The following IPO11 variants were observed in gnomAD, a reference collection of about 807,000 sequenced individuals.
IPO11 encodes importin-11.
Under a neutral mutation model 143.2 loss-of-function variants are expected in IPO11, and 66 were observed. The observed-to-expected ratio is 0.46, with a 90% CI of 0.38 to 0.57. The LOEUF (loss-of-function observed/expected upper bound fraction) is 0.57, where lower values mean the gene tolerates loss of function less well. Ranked by LOEUF, IPO11 falls within the 20% of genes least tolerant of loss-of-function variation. The pLI is 0.00. For missense variants in IPO11, 1,026 were observed against 1,141.0 expected, an observed-to-expected ratio of 0.90 and a Z score of 1.45; for synonymous variants, 385 against 377.8, an observed-to-expected ratio of 1.02 and a Z score of -0.22.
At chr5:62,444,218 G>A (rs763934540) in intron 3 of IPO11, among the ~76,000 whole-genome samples, 3 of 150,984 alleles carry the variant, frequency 2.0e-5, no homozygotes, top group African/African-American at 4.9e-5. Flanking sequence ...TCAGCCTCCC[G>A]AGTAGCTGGG....
chr5:62,544,900 G>A (rs956692210), intron 24 of IPO11, among the ~76,000 whole-genome samples: 2 of 152,144 alleles, frequency 1.3e-5, no homozygotes, highest in African/African-American at 4.8e-5. Flanking sequence ...GGGATGTGAA[G>A]GAGCTCTTCA....
intron 20 of IPO11, among the ~76,000 whole-genome samples, chr5:62,521,053 G>C (rs1742186013): frequency 6.6e-6 from 1 of 152,186 alleles, no homozygotes; most frequent in African/African-American, 2.4e-5. Flanking sequence ...ATTCTAACTG[G>C]TGTGAGATGG....
At chr5:62,513,979 A>T (rs1435981374) in intron 19 of IPO11, among the ~76,000 whole-genome samples, 1 of 145,562 alleles carries the variant, frequency 6.9e-6, no homozygotes. Flanking sequence ...GGCGCTCCCC[A>T]CATCTCAGAC....
intron 19 of IPO11, among the ~76,000 whole-genome samples, chr5:62,513,666 G>T (rs1741878203): frequency 6.8e-6 from 1 of 146,752 alleles, no homozygotes; most frequent in Admixed American, 6.7e-5. Context: ...CTCCCGGACA[G>T]GGCGGTTGGC....
At chr5:62,488,174 T>C (rs1746476771) in intron 13 of IPO11, among the ~76,000 whole-genome samples, 1 of 152,226 alleles carries the variant, frequency 6.6e-6, no homozygotes, top group African/African-American at 2.4e-5. Context: ...GTTAAAATAG[T>C]GTTAGCCTCT....
intron 29 of IPO11, among the ~76,000 whole-genome samples, chr5:62,611,667 T>C (rs1330039759): frequency 1.3e-5 from 2 of 152,190 alleles, no homozygotes; most frequent in Non-Finnish European, 2.9e-5. Flanking sequence ...TTGCCCCTGT[T>C]CACTTGGAAA....
chr5:62,508,298 A>AT (rs70981020), intron 19 of IPO11, among the ~76,000 whole-genome samples: 3,355 of 127,436 alleles, frequency 0.026, 113 homozygotes, highest in African/African-American at 0.074. Context: ...TGCCTGGCTA[A>AT]TTTTTTTTTT....
intron 29 of IPO11, among the ~76,000 whole-genome samples, chr5:62,620,973 G>A (rs140512866): frequency 6.6e-6 from 1 of 152,334 alleles, no homozygotes; most frequent in East Asian, 1.9e-4. Flanking sequence ...TCAACACATG[G>A]CTCTGTCTAG....
At chr5:62,626,409 CTT>C (rs1746579145) in intron 29 of IPO11, among the ~76,000 whole-genome samples, 2 of 152,138 alleles carry the variant, frequency 1.3e-5, no homozygotes, top group South Asian at 4.1e-4. Flanking sequence ...AAACTCCAGA[CTT>C]TTATTTAGAT....
At chr5:62,488,865 T>TCACCA (rs1214011368) in intron 13 of IPO11, among the ~76,000 whole-genome samples, 156 of 152,264 alleles carry the variant, frequency 1.0e-3, no homozygotes, top group African/African-American at 3.6e-3. Flanking sequence ...TAGCTGGGCC[T>TCACCA]GGTGGTTAGT....
At chr5:62,470,437 A>C in intron 7 of IPO11, 129 bp downstream of exon 7, 1 of 805,058 alleles carries the variant, frequency 1.2e-6, no homozygotes, top group Non-Finnish European at 2.0e-6. Flanking sequence ...GTTTTTTACC[A>C]TTCTGACTTT....
At chr5:62,537,137 C>A (rs1742761737) in intron 23 of IPO11, 72 bp from the exon 24 acceptor site, 1 of 889,688 alleles carries the variant, frequency 1.1e-6, no homozygotes, top group Admixed American at 2.0e-5. Context: ...TAATGAATCC[C>A]AAATGAAATT....
intron 22 of IPO11, among the ~76,000 whole-genome samples, chr5:62,531,620 C>G (rs550767947): frequency 1.3e-5 from 2 of 152,176 alleles, no homozygotes; most frequent in East Asian, 3.9e-4. Flanking sequence ...CAAAAAATGT[C>G]CCTGAGGTAT....
intron 15 of IPO11, among the ~76,000 whole-genome samples, chr5:62,491,463 T>C (rs999953466): frequency 9.2e-5 from 14 of 152,248 alleles, no homozygotes; most frequent in Admixed American, 5.2e-4. Context: ...CTAGAGGCTA[T>C]TTAGTGTAAG....
At chr5:62,510,724 C>A (rs905942735) in intron 19 of IPO11, among the ~76,000 whole-genome samples, 1 of 151,904 alleles carries the variant, frequency 6.6e-6, no homozygotes, top group Non-Finnish European at 1.5e-5. Context: ...TCACAGCAGT[C>A]GGTGATTGAT....
chr5:62,564,663 C>T (rs1460517891), intron 27 of IPO11, among the ~76,000 whole-genome samples: 1 of 152,060 alleles, frequency 6.6e-6, no homozygotes, highest in African/African-American at 2.4e-5. Flanking sequence ...ATGTCAGTTG[C>T]ACTCTCCTCT....
chr5:62,476,749 A>G lies in IPO11; in HGVS notation c.824A>G (p.Lys275Arg). ...GAAAAGACCATCATTCTTTTTACTA[A>G]AGTGGTAAGTTTTTTAAAAACTTGT... is the stretch of plus-strand genomic sequence containing the variant. ...RLEKTIILFT[K>R]VLLDFLDQHP... The change falls in exon 9 of 30, where the codon AAA becomes AGA. Residue 275 changes from lysine (K) to arginine (R), a missense_variant. Around this residue, in one of 5 missense-constraint regions of IPO11, gnomAD observed 429 missense variants for 456.3 expected, o/e 0.94. Transcript: ENST00000325324. 1 of 1,517,104 alleles carries G rather than the reference A, an allele frequency of 6.6e-7. No homozygotes were observed. The highest frequency in any genetic ancestry group is 8.9e-7 in the Non-Finnish European group (1 of 1,129,490). The allele number at this position is 1,517,104 out of a possible 1,614,324, so 94.0% of individuals were successfully genotyped here.
At chr5:62,614,609 G>A (rs1159334712) in intron 29 of IPO11, among the ~76,000 whole-genome samples, 4 of 152,208 alleles carry the variant, frequency 2.6e-5, no homozygotes, top group African/African-American at 9.7e-5. Context: ...GGGTGAGCAT[G>A]CAGACAGGTA....
intron 27 of IPO11, among the ~76,000 whole-genome samples, chr5:62,565,795 A>G (rs985351733): frequency 4.3e-5 from 6 of 139,078 alleles, no homozygotes; most frequent in African/African-American, 1.6e-4. Context: ...TACCCCCCCA[A>G]CTGGCCCTGG....
Sources: allele counts gnomAD v4.1 joint callset (sites outside exome capture counted in the v4.1 genomes callset), GRCh38; gene constraint gnomAD v4.1.1; regional missense constraint gnomAD v4.1.1; transcripts MANE v1.5; gene names NCBI Gene and HGNC (gene_info 2026-07-23, HGNC 2026-07-21).